Variants in FAT3 observed in about 807,000 individuals in gnomAD.
The protein encoded by FAT3 is FAT atypical cadherin 3, also known as protocadherin Fat 3.
A neutral mutation model predicts 310.2 loss-of-function variants in FAT3; 95 were observed. The ratio of observed to expected loss-of-function variants is 0.31; its 90% CI spans 0.26 to 0.36. The LOEUF is 0.36. FAT3 is among the 10% of genes least tolerant of loss of function. The pLI, the probability that FAT3 is intolerant of heterozygous loss-of-function variation, is 1.00. For synonymous variants in FAT3, 2,314 were observed against 2,192.9 expected (o/e 1.06, Z -1.54); for missense variants, 5,408 against 5,715.6 (o/e 0.95, Z 1.74).
intron 1 of FAT3, among the ~76,000 whole-genome samples, chr11:92,319,487 T>C (rs142407367): frequency 1.2e-3 from 176 of 152,338 alleles, no homozygotes; most frequent in African/African-American, 4.1e-3. Context: ...TAAAAAGTCA[T>C]TATAAACTAC....
At chr11:92,375,940 G>A (rs11019939) in intron 2 of FAT3, among the ~76,000 whole-genome samples, 51,891 of 152,012 alleles carry the variant, frequency 0.34, 11,932 homozygotes, top group African/African-American at 0.66. Flanking sequence ...CTTTAAATTA[G>A]GTCATTAACA....
chr11:92,536,798 A>C (rs1028241133), intron 3 of FAT3, among the ~76,000 whole-genome samples: 1 of 152,144 alleles, frequency 6.6e-6, no homozygotes, highest in African/African-American at 2.4e-5. Flanking sequence ...GTGGACTGTG[A>C]TGGGGCTAAA....
chr11:92,230,403 C>T (rs1246781342), intron 1 of FAT3, among the ~76,000 whole-genome samples: 1 of 152,092 alleles, frequency 6.6e-6, no homozygotes, highest in African/African-American at 2.4e-5. Flanking sequence ...AAGTGATTCT[C>T]ATGCCTCAGT....
chr11:92,760,133 G>T (rs1050240082), intron 4 of FAT3, among the ~76,000 whole-genome samples: 2 of 152,214 alleles, frequency 1.3e-5, no homozygotes, highest in Non-Finnish European at 2.9e-5. Flanking sequence ...GCACATTTTG[G>T]TCCCAATGTG....
At position 92,756,732 on chromosome 11, in the gene FAT3, C is replaced by T. The variant is rs145600522; in HGVS notation, c.3670-5124C>T. On this transcript the variant is annotated intron_variant, in intron 4 of 27. Transcript: ENST00000525166. ...CAATTTCAGTGAGTGAGAAGTGTGC[C>T]CTCCCACCAGCTTCCATAACTTCAA... Among the ~76,000 whole-genome samples, 12 of 151,944 alleles carry T rather than the reference C, an allele frequency of 7.9e-5. No individual in the cohort carries two copies. In the East Asian group the frequency reaches 2.3e-3, roughly 30 times the overall value.
At chr11:92,763,653 C>T (rs1275384914) in intron 5 of FAT3, among the ~76,000 whole-genome samples, 1 of 152,178 alleles carries the variant, frequency 6.6e-6, no homozygotes, top group East Asian at 1.9e-4. Context: ...AATCCCCTTG[C>T]CTCAAAGTGG....
intron 1 of FAT3, among the ~76,000 whole-genome samples, chr11:92,291,123 G>GCACACGCACA (rs1391202263): frequency 5.5e-5 from 8 of 144,412 alleles, no homozygotes; most frequent in Non-Finnish European, 9.2e-5. Flanking sequence ...ACACATGCAC[G>GCACACGCACA]CGCGCAGAAG....
chr11:92,408,603 T>G (rs1444898269), intron 2 of FAT3, among the ~76,000 whole-genome samples: 1 of 152,238 alleles, frequency 6.6e-6, no homozygotes, highest in Non-Finnish European at 1.5e-5. Context: ...CACTGGGATT[T>G]TGTCCTTCTT....
In FAT3 at chr11:92,851,421, G is replaced by A. The variant is rs965343367; in HGVS notation, c.11366-5793G>A. 6.6e-5 allele frequency among the ~76,000 whole-genome samples: 10 copies of A among 152,148 alleles called. No individual in the cohort carries two copies. In the South Asian group the frequency reaches 1.0e-3, roughly 16 times the overall value. On this transcript the variant is annotated intron_variant, in intron 19 of 27. Coordinates refer to ENST00000525166, the MANE Select transcript of FAT3 (RefSeq NM_001367949.2). ...TCTTAATTTTTCAGAAAAGGAAATCGAGACCTAGAAAAGACAAGTGAGTAG... is the reference window on the plus strand; with the variant it reads ...TCTTAATTTTTCAGAAAAGGAAATCAAGACCTAGAAAAGACAAGTGAGTAG...
At chr11:92,370,584 A>G (rs544338351) in intron 2 of FAT3, among the ~76,000 whole-genome samples, 5 of 152,372 alleles carry the variant, frequency 3.3e-5, no homozygotes, top group African/African-American at 9.6e-5. Flanking sequence ...CTTGAAATAA[A>G]AACAGTTATT....
chr11:92,336,625 A>G (rs1047223935), intron 1 of FAT3: 1 of 155,294 alleles, frequency 6.4e-6, no homozygotes, highest in Admixed American at 6.5e-5. Flanking sequence ...TATCTGCTTC[A>G]TGTTTACTTA....
intron 2 of FAT3, among the ~76,000 whole-genome samples, chr11:92,469,844 TAC>T (rs1439577507): frequency 5.3e-5 from 8 of 151,812 alleles, no homozygotes; most frequent in African/African-American, 1.9e-4. Flanking sequence ...ATAAAAAATA[TAC>T]ACTAAACAGA....
chr11:92,287,196 G>C (rs542394493), intron 1 of FAT3, among the ~76,000 whole-genome samples: 12 of 152,232 alleles, frequency 7.9e-5, no homozygotes, highest in East Asian at 3.9e-4. Context: ...CACAGCCTTG[G>C]AGAATTGCAG....
chr11:92,435,186 G>T (rs752829478), intron 2 of FAT3, among the ~76,000 whole-genome samples: 1 of 152,104 alleles, frequency 6.6e-6, no homozygotes, highest in Non-Finnish European at 1.5e-5. Flanking sequence ...ACTGGACAGG[G>T]GCTCAGATGT....
chr11:92,681,970 C>A (rs1036101258), intron 3 of FAT3, among the ~76,000 whole-genome samples: 5 of 152,180 alleles, frequency 3.3e-5, no homozygotes, highest in African/African-American at 1.2e-4. Flanking sequence ...AATGGGGAAA[C>A]CATCCCTGTG....
Position 92,525,049 on chromosome 11 carries a change from T to C in FAT3, c.3607+101T>C, listed in dbSNP as rs1296343039. 3 of 979,856 alleles carry C rather than the reference T, an allele frequency of 3.1e-6. No homozygotes were observed. In the South Asian group the frequency reaches 5.1e-5, roughly 17 times the overall value. 60.7% of individuals were successfully genotyped at this position (979,856 alleles called of 1,614,324 possible). A position where few individuals can be genotyped will look rare whatever the true frequency, so the allele number is the denominator to read the frequency against. On this transcript the variant is annotated intron_variant, in intron 3 of 27. Transcript: ENST00000525166. Reference sequence around the variant, plus strand: ...CTCATTTACTTTATTTTCTAAAGAATAGCATCTTCCTTTCTGAGAATGGTT... The same window carrying C: ...CTCATTTACTTTATTTTCTAAAGAACAGCATCTTCCTTTCTGAGAATGGTT...
chr11:92,341,700 G>T (rs1796481220), intron 1 of FAT3, among the ~76,000 whole-genome samples: 1 of 152,028 alleles, frequency 6.6e-6, no homozygotes, highest in African/African-American at 2.4e-5. Context: ...CTACCTCTCT[G>T]CAGTATGTTC....
At chr11:92,375,773 T>C (rs1458840551) in intron 2 of FAT3, among the ~76,000 whole-genome samples, 1 of 152,204 alleles carries the variant, frequency 6.6e-6, no homozygotes. Flanking sequence ...TATACTTATA[T>C]TGTGAGATGT....
chr11:92,345,781 G>C (rs1948399117), intron 1 of FAT3, among the ~76,000 whole-genome samples: 1 of 152,124 alleles, frequency 6.6e-6, no homozygotes, highest in Non-Finnish European at 1.5e-5. Flanking sequence ...GGAGATCTCA[G>C]GTCTAGTTTT....
Sources: gnomAD v4.1 joint callset for allele counts (sites outside exome capture counted in the v4.1 genomes callset) on GRCh38, gnomAD v4.1.1 for gene constraint, MANE v1.5 for transcripts, NCBI Gene and HGNC (gene_info 2026-07-23, HGNC 2026-07-21) for gene names.